Variants in SLC25A16 observed in about 807,000 individuals in gnomAD.
The protein encoded by SLC25A16 is solute carrier family 25 member 16.
In SLC25A16, 39 loss-of-function variants were observed where a neutral mutation model predicts 41.5. The observed-to-expected ratio is 0.94, with a 90% CI of 0.73 to 1.23. SLC25A16 has a LOEUF of 1.23. SLC25A16 is among the 50% of genes most tolerant of loss of function. The probability of loss-of-function intolerance (pLI) is 0.00; values close to 1 mark genes in which losing one functional copy is unlikely to be tolerated. For missense variants in SLC25A16, 421 were observed against 426.9 expected (o/e 0.99, Z 0.12); for synonymous variants, 146 against 147.8 (o/e 0.99, Z 0.09).
chr10:68,506,574 A>G lies in SLC25A16; in HGVS notation c.357+11T>C, dbSNP rs761421844. ...AAGAACGCAAAAGAGAAAAGATCAAAGTTTAACTACCGTTTTATAATGCTC... is the reference window on the plus strand; with the variant it reads ...AAGAACGCAAAAGAGAAAAGATCAAGGTTTAACTACCGTTTTATAATGCTC... On this transcript the variant is annotated intron_variant, in intron 3 of 8. Coordinates refer to ENST00000609923, the MANE Select transcript of SLC25A16 (RefSeq NM_152707.4). 5 of 1,554,338 alleles carry G rather than the reference A, an allele frequency of 3.2e-6. No individual in the cohort carries two copies. The highest frequency in any genetic ancestry group is 1.2e-5 in the South Asian group (1 of 80,572).
chr10:68,512,881 T>G (rs996864265), intron 2 of SLC25A16, among the ~76,000 whole-genome samples: 1 of 151,238 alleles, frequency 6.6e-6, no homozygotes, highest in African/African-American at 2.4e-5. Context: ...CTACTAAACA[T>G]ACAAAAAATT....
Position 68,482,248 on chromosome 10 carries a change from A to C in SLC25A16, c.*1184T>G, listed in dbSNP as rs1441018930. ...AAAAAAAAAAAGTCACATCAGTTCT[A>C]CAAATTACTCTTTCTGAACACAGAA... On this transcript the variant is annotated 3_prime_UTR_variant, in exon 9 of 9. Coordinates refer to ENST00000609923, the MANE Select transcript of SLC25A16 (RefSeq NM_152707.4). 1 of 151,774 alleles carries C rather than the reference A, an allele frequency of 6.6e-6. No homozygotes were observed. Among genetic ancestry groups the C allele is most frequent in the Non-Finnish European group, 1.5e-5 (1 of 67,970 alleles). 9.4% of individuals were successfully genotyped at this position (151,774 alleles called of 1,614,324 possible).
intron 2 of SLC25A16, 87 bp from the exon 3 acceptor site, chr10:68,506,805 C>T: frequency 1.4e-6 from 1 of 740,014 alleles, no homozygotes; most frequent in Non-Finnish European, 2.0e-6. Flanking sequence ...GATTAATGTG[C>T]CATCACTCAA....
intron 6 of SLC25A16, among the ~76,000 whole-genome samples, chr10:68,489,997 A>G (rs2052630192): frequency 6.6e-6 from 1 of 151,972 alleles, no homozygotes; most frequent in Non-Finnish European, 1.5e-5. Flanking sequence ...GTGGCAGCTC[A>G]CACTTGTAAT....
rs183276142 is a variant in SLC25A16, at chr10:68,519,736, G to A, written c.131-2893C>T. 5.9e-5 allele frequency among the ~76,000 whole-genome samples: 9 copies of A among 151,600 alleles called. No homozygotes were observed. The East Asian group carries it at 1.8e-3, about 30-fold the overall frequency. On this transcript the variant is annotated intron_variant, in intron 1 of 8. Transcript: ENST00000609923. ...TCGAGACCAGCCTAGCCAACATGGT[G>A]AAACCCCATCTCTTCTAAAAATACA...
chr10:68,478,567 CAG>C lies in SLC25A16; in HGVS notation c.*4863_*4864del, dbSNP rs1205239597. 4 of 151,826 alleles carry C rather than the reference CAG, an allele frequency of 2.6e-5. No individual in the cohort carries two copies. The highest frequency in any genetic ancestry group is 2.9e-5 in the Non-Finnish European group (2 of 67,960). The allele number at this position is 151,826 out of a possible 1,614,324, so 9.4% of individuals were successfully genotyped here. ...AAACATTTTATATAAAAAAATGAGA[CAG>C]AGTCTTGCAATGTTGCCCAGGCTGG... On this transcript the variant is annotated 3_prime_UTR_variant, in exon 9 of 9. Transcript: ENST00000609923.
chr10:68,493,532 C>A lies in SLC25A16; in HGVS notation c.460G>T (p.Val154Phe). The A allele has an allele frequency of 1.2e-6, 2 of 1,612,812 alleles. No individual in the cohort carries two copies. Among genetic ancestry groups the A allele is most frequent in the Non-Finnish European group, 1.7e-6 (2 of 1,179,040 alleles). ...AVICTYPLDM[V>F]RVRLAFQVKG... ...ACCTGGAATGCTAGGCGGACCCTAACCATGTCAAGAGGGTAAGTACAGATA... is the reference window on the plus strand; with the variant it reads ...ACCTGGAATGCTAGGCGGACCCTAAACATGTCAAGAGGGTAAGTACAGATA... Residue 154 changes from valine (V) to phenylalanine (F), a missense_variant, in exon 5 of 9, where the codon GTT (valine) becomes TTT (phenylalanine). Transcript: ENST00000609923.
chr10:68,502,933 A>G (rs1239805106), intron 4 of SLC25A16, among the ~76,000 whole-genome samples: 6 of 14,050 alleles, frequency 4.3e-4, no homozygotes, highest in Non-Finnish European at 4.7e-4. Flanking sequence ...AAGGAGGGGG[A>G]GGGGAGGGGA....
rs1298048552 is a variant in SLC25A16, at chr10:68,494,721, AAAAAAATTAGCTGGGCCTGGTGG to A, written c.422-1174_422-1152del. Reference sequence around the variant, plus strand: ...GTGAAACCCCATCTCTACTAAAAATAAAAAAATTAGCTGGGCCTGGTGGCACGCGCCTGTAGTCCCAGCTACTT... The same window carrying A: ...GTGAAACCCCATCTCTACTAAAAATACACGCGCCTGTAGTCCCAGCTACTT... On this transcript the variant is annotated intron_variant, in intron 4 of 8. Transcript: ENST00000609923. 8.1e-4 allele frequency among the ~76,000 whole-genome samples: 122 copies of A among 150,022 alleles called. 2 individuals are homozygous for A. Among genetic ancestry groups the A allele is most frequent in the Middle Eastern group, 3.4e-3 (1 of 292 alleles).
At chr10:68,489,917 AG>A (rs1564911044) in intron 6 of SLC25A16, among the ~76,000 whole-genome samples, 3 of 149,974 alleles carry the variant, frequency 2.0e-5, no homozygotes, top group African/African-American at 7.3e-5. Flanking sequence ...AAAAAAAAAA[AG>A]GAAGAAAGAT....
chr10:68,508,334 C>A (rs1200309759), intron 2 of SLC25A16, among the ~76,000 whole-genome samples: 3 of 142,106 alleles, frequency 2.1e-5, no homozygotes, highest in African/African-American at 7.8e-5. Flanking sequence ...GAGTTCATAC[C>A]AATAAAACTG....
rs907273259 is a variant in SLC25A16, at chr10:68,488,557, G to A, written c.683C>T (p.Pro228Leu). 1.9e-6 allele frequency: 3 copies of A among 1,603,170 alleles called. No individual in the cohort carries two copies. Among genetic ancestry groups the A allele is most frequent in the Middle Eastern group, 1.7e-4 (1 of 6,008 alleles). The stretch of plus-strand genomic sequence containing the variant: ...TAAGACATTAGGATTGTCTGATGAA[G>A]GTCTGCCAAGAAGGGTAGGAGCATG... ...LSHAPTLLGR[P>L]SSDNPNVLVL... The change falls in exon 7 of 9, where the codon CCT (proline) becomes CTT (leucine). Residue 228 changes from proline to leucine, a missense_variant. By Grantham distance (98) the Pro-to-Leu change is moderately conservative (BLOSUM62 -3). Transcript: ENST00000609923.
At position 68,527,347 on chromosome 10, in the gene SLC25A16, A is replaced by G; in HGVS notation, c.29T>C (p.Leu10Pro). ...TGCGGGAGGGGGATCGGCCGCCGCC[A>G]GGGCTGCCGCGGCCGTCGCCGCCGC... MAAATAAAA[L>P]AAADPPPAMP... Residue 10 changes from leucine (L) to proline (P), a missense_variant, in exon 1 of 9, where the codon CTG (leucine) becomes CCG (proline). Physicochemically the swap from Leu to Pro is moderately conservative, Grantham distance 98. Coordinates refer to ENST00000609923, the MANE Select transcript of SLC25A16 (RefSeq NM_152707.4). 1 of 1,515,200 alleles carries G rather than the reference A, an allele frequency of 6.6e-7. No homozygotes were observed. Among genetic ancestry groups the G allele is most frequent in the Non-Finnish European group, 8.8e-7 (1 of 1,135,720 alleles). The allele number at this position is 1,515,200 out of a possible 1,614,324, so 93.9% of individuals were successfully genotyped here.
chr10:68,523,188 C>G (rs1435338418), intron 1 of SLC25A16, among the ~76,000 whole-genome samples: 1 of 151,792 alleles, frequency 6.6e-6, no homozygotes, highest in African/African-American at 2.4e-5. Flanking sequence ...CTCTCGCGTT[C>G]AAGTGATTCT....
chr10:68,480,178 G>A lies in SLC25A16; in HGVS notation c.*3254C>T, dbSNP rs976639367. On this transcript the variant is annotated 3_prime_UTR_variant, in exon 9 of 9. Transcript: ENST00000609923. ...CAGAGAGCTATACCCACTGAGAGGTGGAAGAGAGGAACAATAAAGATCAAA... is the reference window on the plus strand; with the variant it reads ...CAGAGAGCTATACCCACTGAGAGGTAGAAGAGAGGAACAATAAAGATCAAA... 3.9e-5 allele frequency: 6 copies of A among 151,984 alleles called. No homozygotes were observed. The highest frequency in any genetic ancestry group is 1.5e-4 in the African/African-American group (6 of 41,366). The allele number at this position is 151,984 out of a possible 1,614,324, so 9.4% of individuals were successfully genotyped here. A position where few individuals can be genotyped will look rare whatever the true frequency, so the allele number is the denominator to read the frequency against.
chr10:68,483,958 T>C (rs6480334), intron 8 of SLC25A16, among the ~76,000 whole-genome samples: 151,354 of 152,294 alleles, frequency 0.99, 75,214 homozygotes, highest in Middle Eastern at 1. Context: ...GCCACCTCGC[T>C]CGGCCCATAA....
At chr10:68,485,798 A>ATTTT (rs574917604) in intron 8 of SLC25A16, among the ~76,000 whole-genome samples, 11 of 123,244 alleles carry the variant, frequency 8.9e-5, no homozygotes, top group Admixed American at 2.4e-4. Context: ...CCTAAGCAAT[A>ATTTT]TTTTTTTTTT....
rs2053080353 is a variant in SLC25A16, at chr10:68,512,420, G to A, written c.223+4331C>T. ...TGGGAGGCCGAGGCGGGCGGATCACGAGGTCAGGAGATCGAGACCATCCCG... is the reference window on the plus strand; with the variant it reads ...TGGGAGGCCGAGGCGGGCGGATCACAAGGTCAGGAGATCGAGACCATCCCG... On this transcript the variant is annotated intron_variant, in intron 2 of 8. Transcript: ENST00000609923. Among the ~76,000 whole-genome samples the A allele has an allele frequency of 3.3e-5, 3 of 89,974 alleles. No individual in the cohort carries two copies. In the East Asian group the frequency reaches 8.3e-4, roughly 25 times the overall value. The allele number at this position is 89,974 out of a possible 152,430, so 59.0% of individuals were successfully genotyped here.
At chr10:68,504,269 G>A (rs1208460918) in intron 3 of SLC25A16, among the ~76,000 whole-genome samples, 1 of 151,644 alleles carries the variant, frequency 6.6e-6, no homozygotes, top group Admixed American at 6.6e-5. Flanking sequence ...CACCCACCTC[G>A]GCCTCTCAAA....
Sources: gnomAD v4.1 joint callset for allele counts (sites outside exome capture counted in the v4.1 genomes callset) on GRCh38, gnomAD v4.1.1 for gene constraint, MANE v1.5 for transcripts, NCBI Gene and HGNC (gene_info 2026-07-23, HGNC 2026-07-21) for gene names.